The following CRYZL1 variants were observed in gnomAD, a reference collection of about 807,000 sequenced individuals.
CRYZL1 encodes crystallin zeta like 1.
A neutral mutation model predicts 50.6 loss-of-function variants in CRYZL1; 34 were observed. The ratio of observed to expected loss-of-function variants is 0.67; its 90% CI spans 0.51 to 0.89. The LOEUF (loss-of-function observed/expected upper bound fraction) is 0.89. CRYZL1 is among the 40% of genes least tolerant of loss of function. The pLI is 0.00. For synonymous variants in CRYZL1, 125 were observed against 134.3 expected, an observed-to-expected ratio of 0.93 and a Z score of 0.48; for missense variants, 354 against 402.3, an observed-to-expected ratio of 0.88 and a Z score of 1.03.
intron 5 of CRYZL1, among the ~76,000 whole-genome samples, chr21:33,615,154 CTTTTTTT>C (rs10550201): frequency 8.1e-6 from 1 of 123,634 alleles, no homozygotes; most frequent in Non-Finnish European, 1.7e-5. Context: ...TTCTTTCTCT[CTTTTTTT>C]TTTTTTTTTT....
At chr21:33,605,917 T>C (rs1218356862) in intron 6 of CRYZL1, among the ~76,000 whole-genome samples, 1 of 152,150 alleles carries the variant, frequency 6.6e-6, no homozygotes, top group Non-Finnish European at 1.5e-5. Context: ...TAGCAATGAT[T>C]CATGTGGACT....
chr21:33,631,487 T>C lies in CRYZL1; in HGVS notation c.65A>G (p.Lys22Arg), dbSNP rs1325239269. ...DEEITFVFQE[K>R]EDLPVTEDNF... ...TAATGATTAAACATTTTTTCTTACCTTTTCTTGAAATACAAATGTTATTTC... is the reference window on the plus strand; with the variant it reads ...TAATGATTAAACATTTTTTCTTACCCTTTCTTGAAATACAAATGTTATTTC... Residue 22 changes from lysine (K) to arginine (R), a missense_variant and splice_region_variant, in exon 2 of 13, where the codon AAG (lysine) becomes AGG (arginine). Lys to Arg is a conservative substitution (Grantham distance 26). Coordinates refer to ENST00000381554, the MANE Select transcript of CRYZL1 (RefSeq NM_145858.3). 14 of 1,517,380 alleles carry C rather than the reference T, an allele frequency of 9.2e-6. No individual in the cohort carries two copies. The highest frequency in any genetic ancestry group is 1.1e-5 in the Non-Finnish European group (12 of 1,136,954). The allele number at this position is 1,517,380 out of a possible 1,614,324, so 94.0% of individuals were successfully genotyped here. A position where few individuals can be genotyped will look rare whatever the true frequency, so the allele number is the denominator to read the frequency against.
At chr21:33,632,856 T>C (rs2087157679) in intron 1 of CRYZL1, among the ~76,000 whole-genome samples, 1 of 152,250 alleles carries the variant, frequency 6.6e-6, no homozygotes, top group Non-Finnish European at 1.5e-5. Flanking sequence ...GCCCACATCA[T>C]GGCAGGAGAC....
At chr21:33,592,944 T>C (rs185811639) in intron 11 of CRYZL1, among the ~76,000 whole-genome samples, 4 of 151,098 alleles carry the variant, frequency 2.6e-5, no homozygotes, top group Admixed American at 1.3e-4. Context: ...CTCAGCTACT[T>C]GGGAGGCTGA....
chr21:33,627,806 G>T (rs964352376), intron 2 of CRYZL1, among the ~76,000 whole-genome samples: 2 of 141,136 alleles, frequency 1.4e-5, no homozygotes, highest in African/African-American at 5.3e-5. Context: ...GTGCAGTGGC[G>T]TGATCTCCAC....
intron 2 of CRYZL1, among the ~76,000 whole-genome samples, chr21:33,629,773 A>C (rs902156187): frequency 3.9e-5 from 6 of 152,164 alleles, no homozygotes; most frequent in African/African-American, 1.4e-4. Flanking sequence ...ATTATGTTGA[A>C]TAGAAGTAGT....
Position 33,637,788 on chromosome 21 carries a change from T to TATAC in CRYZL1, c.-7+3892_-7+3893insGTAT, listed in dbSNP as rs1491462371. Among the ~76,000 whole-genome samples, 1,070 of 117,138 alleles carry TATAC rather than the reference T, an allele frequency of 9.1e-3. 11 individuals carry two copies. Among genetic ancestry groups the TATAC allele is most frequent in the African/African-American group, 0.029 (945 of 32,212 alleles). The allele number at this position is 117,138 out of a possible 152,430, so 76.8% of individuals were successfully genotyped here. A position where few individuals can be genotyped will look rare whatever the true frequency, so the allele number is the denominator to read the frequency against. ...ATATATATATATATATATATATATA[T>TATAC]ACACACACACACACATATAAACAGC... is the stretch of plus-strand genomic sequence containing the variant. On this transcript the variant is annotated intron_variant, in intron 1 of 12. Transcript: ENST00000381554.
intron 2 of CRYZL1, among the ~76,000 whole-genome samples, chr21:33,626,126 T>C (rs2087060236): frequency 6.6e-6 from 1 of 151,524 alleles, no homozygotes; most frequent in African/African-American, 2.4e-5. Context: ...GCTAATTTTT[T>C]TTTGTATTTT....
chr21:33,599,432 A>G (rs2086728384), intron 8 of CRYZL1, 184 bp from the exon 9 acceptor site: 2 of 760,432 alleles, frequency 2.6e-6, no homozygotes, highest in Non-Finnish European at 4.3e-6. Flanking sequence ...ATCTAACCCA[A>G]TATGGGATAT....
intron 8 of CRYZL1, among the ~76,000 whole-genome samples, chr21:33,602,033 G>T (rs1461606155): frequency 1.3e-5 from 2 of 149,482 alleles, no homozygotes; most frequent in African/African-American, 4.9e-5. Flanking sequence ...TATAGATGAG[G>T]TCTTCTATGT....
At chr21:33,620,161 A>G (rs906192630) in intron 4 of CRYZL1, among the ~76,000 whole-genome samples, 10 of 152,248 alleles carry the variant, frequency 6.6e-5, no homozygotes, top group Non-Finnish European at 1.3e-4. Context: ...AAGATTACAT[A>G]GAGTATCAAA....
intron 12 of CRYZL1, among the ~76,000 whole-genome samples, 173 bp from the exon 13 acceptor site, chr21:33,590,094 T>C (rs1417471339): frequency 6.6e-6 from 1 of 152,242 alleles, no homozygotes; most frequent in Non-Finnish European, 1.5e-5. Flanking sequence ...CTCAGCTCAC[T>C]GCAACCTCCG....
chr21:33,610,733 T>G (rs1601335445), intron 6 of CRYZL1, among the ~76,000 whole-genome samples: 3 of 143,156 alleles, frequency 2.1e-5, no homozygotes, highest in South Asian at 2.3e-4. Flanking sequence ...GGTTGTTTTT[T>G]TTTTTTTTTT....
At chr21:33,596,310 CAAT>C (rs1273548387) in intron 10 of CRYZL1, 29 of 345,374 alleles carry the variant, frequency 8.4e-5, no homozygotes, top group Non-Finnish European at 1.5e-4. Flanking sequence ...TATATGTCAA[CAAT>C]GTCACCGAGA....
chr21:33,596,293 T>A, intron 10 of CRYZL1: 1 of 380,430 alleles, frequency 2.6e-6, no homozygotes, highest in Admixed American at 3.6e-5. Flanking sequence ...AGAAATATTT[T>A]GCTAAGTATA....
chr21:33,619,502 C>G (rs574153983), intron 4 of CRYZL1, among the ~76,000 whole-genome samples: 1 of 152,242 alleles, frequency 6.6e-6, no homozygotes, highest in Non-Finnish European at 1.5e-5. Context: ...TTCACATAAT[C>G]ATGAAAGTAT....
rs115932942 is a variant in CRYZL1, at chr21:33,638,745, T to C, written c.-7+2936A>G. ...ACAGTGGCTTATATCTGGCTAAACC[T>C]TGTAAAGCAATTCCAGCTGATAATA... On this transcript the variant is annotated intron_variant, in intron 1 of 12. Transcript: ENST00000381554. Among the ~76,000 whole-genome samples the C allele has an allele frequency of 5.4e-3, 830 of 152,356 alleles. 7 individuals carry two copies. Among genetic ancestry groups the C allele is most frequent in the African/African-American group, 0.019 (796 of 41,582 alleles).
intron 2 of CRYZL1, among the ~76,000 whole-genome samples, chr21:33,629,624 G>A (rs1171535802): frequency 4.6e-5 from 7 of 152,172 alleles, no homozygotes; most frequent in South Asian, 4.1e-4. Context: ...GTTCTAACTG[G>A]TTTTTGGTGG....
chr21:33,615,249 C>T (rs1461021145), intron 5 of CRYZL1, among the ~76,000 whole-genome samples: 4 of 149,522 alleles, frequency 2.7e-5, no homozygotes, highest in African/African-American at 9.8e-5. Flanking sequence ...AACTTCCAGG[C>T]TCAGGCGATC....
Sources: allele counts gnomAD v4.1 joint callset (sites outside exome capture counted in the v4.1 genomes callset), GRCh38; gene constraint gnomAD v4.1.1; transcripts MANE v1.5; gene names NCBI Gene and HGNC (gene_info 2026-07-23, HGNC 2026-07-21).